The following IL1RAPL1 variants were observed in gnomAD, a reference collection of about 807,000 sequenced individuals.
IL1RAPL1 encodes interleukin 1 receptor accessory protein like 1.
Under a neutral mutation model 48.4 loss-of-function variants are expected in IL1RAPL1, and 3 were observed. The ratio of observed to expected loss-of-function variants is 0.06; its 90% CI spans 0.03 to 0.16. The LOEUF (loss-of-function observed/expected upper bound fraction) is 0.16, where lower values mean the gene tolerates loss of function less well. Among genes scored for constraint, IL1RAPL1 ranks in the 10% least tolerant of loss-of-function variants. The probability of loss-of-function intolerance (pLI) is 1.00; values close to 1 mark genes in which losing one functional copy is unlikely to be tolerated. For synonymous variants in IL1RAPL1, 185 were observed against 187.7 expected, an observed-to-expected ratio of 0.99 and a Z score of 0.12; for missense variants, 349 against 530.6, an observed-to-expected ratio of 0.66 and a Z score of 3.36.
intron 6 of IL1RAPL1, among the ~76,000 whole-genome samples, chrX:29,803,375 A>ATACATGTATACACATATGTATATG (rs1569174269): frequency 0.01 from 881 of 84,194 alleles, 61 homozygotes; most frequent in Non-Finnish European, 0.017. Flanking sequence ...ATATGTATAT[A>ATACATGTATACACATATGTATATG]TGTATACATG....
rs145192407 is a variant in IL1RAPL1 at position 28,620,978 on chromosome X, G to A, written c.-25+32931G>A. On this transcript the variant is annotated intron_variant, in intron 1 of 10. Transcript: ENST00000378993. The stretch of plus-strand genomic sequence containing the variant: ...GGCCTTTTCCCTAGCTGTCCTCTCT[G>A]CATCTTCCCTGCTCTTCACATTGGC... 8.4e-3 allele frequency among the ~76,000 whole-genome samples: 939 copies of A among 111,338 alleles called. 6 individuals are homozygous for A. The highest frequency in any genetic ancestry group is 0.029 in the African/African-American group (890 of 30,630).
At chrX:29,002,942 C>T (rs972451239) in intron 2 of IL1RAPL1, among the ~76,000 whole-genome samples, 3 of 110,071 alleles carry the variant, frequency 2.7e-5, no homozygotes, top group Admixed American at 9.7e-5. Flanking sequence ...CACACACACA[C>T]GATCTCATAG....
intron 6 of IL1RAPL1, among the ~76,000 whole-genome samples, chrX:29,714,011 T>G (rs957738302): frequency 8.1e-5 from 9 of 111,735 alleles, no homozygotes; most frequent in African/African-American, 2.9e-4. Flanking sequence ...TTGGGTAATG[T>G]TCCAGAAAAG....
intron 6 of IL1RAPL1, among the ~76,000 whole-genome samples, chrX:29,702,374 G>T (rs1194382517): frequency 9.0e-6 from 1 of 111,361 alleles, no homozygotes; most frequent in African/African-American, 3.3e-5. Context: ...CAGGAGTTGG[G>T]TGCAAGCTGG....
intron 6 of IL1RAPL1, among the ~76,000 whole-genome samples, chrX:29,707,994 C>CT (rs982900804): frequency 9.1e-6 from 1 of 109,576 alleles, no homozygotes; most frequent in Non-Finnish European, 1.9e-5. Context: ...AAAAAAATTG[C>CT]TTTTTTTCCC....
intron 6 of IL1RAPL1, among the ~76,000 whole-genome samples, chrX:29,780,003 C>T (rs953796293): frequency 2.7e-5 from 3 of 110,665 alleles, no homozygotes; most frequent in Non-Finnish European, 5.7e-5. Context: ...AAAAAAGCAA[C>T]AAAAAAGTAC....
chrX:29,168,929 GTA>G (rs1196243602), intron 2 of IL1RAPL1, among the ~76,000 whole-genome samples: 18 of 81,686 alleles, frequency 2.2e-4, no homozygotes, highest in African/African-American at 5.2e-4. Context: ...ATGTACAATT[GTA>G]TATATATATT....
intron 6 of IL1RAPL1, among the ~76,000 whole-genome samples, chrX:29,737,318 G>C (rs1006831940): frequency 4.5e-5 from 5 of 111,474 alleles, no homozygotes; most frequent in Non-Finnish European, 7.5e-5. Flanking sequence ...CTAGAGGATA[G>C]AGCTTTTGGA....
At chrX:28,738,675 G>A (rs941059401) in intron 1 of IL1RAPL1, among the ~76,000 whole-genome samples, 2 of 111,514 alleles carry the variant, frequency 1.8e-5, no homozygotes, top group African/African-American at 3.3e-5. Flanking sequence ...AGGCTTGTGC[G>A]GCTGCAGTAG....
chrX:29,348,365 A>T (rs751820146), intron 3 of IL1RAPL1, among the ~76,000 whole-genome samples: 81 of 112,292 alleles, frequency 7.2e-4, no homozygotes, highest in African/African-American at 2.0e-3. Flanking sequence ...TGGCAGAAAT[A>T]GAGGATGTTG....
intron 5 of IL1RAPL1, among the ~76,000 whole-genome samples, chrX:29,565,793 T>G (rs1246631912): frequency 8.9e-6 from 1 of 111,732 alleles, no homozygotes; most frequent in Admixed American, 9.5e-5. Flanking sequence ...TTTATGGTTG[T>G]TTGTGGTAGG....
intron 5 of IL1RAPL1, among the ~76,000 whole-genome samples, chrX:29,418,125 A>ATATATATATTTT (rs1474269220): frequency 3.7e-5 from 1 of 26,714 alleles, no homozygotes; most frequent in African/African-American, 1.7e-4. Context: ...ATATATATAT[A>ATATATATATTTT]TTTTTTTTTT....
At chrX:29,253,445 A>G (rs1287595655) in intron 2 of IL1RAPL1, among the ~76,000 whole-genome samples, 1 of 111,597 alleles carries the variant, frequency 9.0e-6, no homozygotes. Flanking sequence ...AAAGCTAAGT[A>G]GTCTATGGAA....
At chrX:29,952,595 T>G (rs1933341143) in intron 9 of IL1RAPL1, among the ~76,000 whole-genome samples, 1 of 112,510 alleles carries the variant, frequency 8.9e-6, no homozygotes, top group Non-Finnish European at 1.9e-5. Context: ...TTTCATGATT[T>G]CTTACTCAAC....
intron 2 of IL1RAPL1, among the ~76,000 whole-genome samples, chrX:29,036,014 G>A (rs1479119225): frequency 5.4e-5 from 6 of 111,702 alleles, no homozygotes; most frequent in Non-Finnish European, 1.1e-4. Flanking sequence ...CCAGATTCAG[G>A]TACTCTTATT....
chrX:29,782,100 G>GTCTATCTATCTATCTA (rs57978861), intron 6 of IL1RAPL1, among the ~76,000 whole-genome samples: 77 of 84,006 alleles, frequency 9.2e-4, no homozygotes, highest in East Asian at 4.4e-3. Flanking sequence ...CTGTCTGTCT[G>GTCTATCTATCTATCTA]TCTATCTATC....
intron 2 of IL1RAPL1, among the ~76,000 whole-genome samples, chrX:29,053,121 A>G (rs1157522972): frequency 3.6e-5 from 4 of 111,301 alleles, no homozygotes; most frequent in Non-Finnish European, 7.5e-5. Flanking sequence ...AAGTGAGAAC[A>G]TGTGGTATTT....
In IL1RAPL1 at chrX:28,955,507, G is replaced by A. The variant is rs376054147; in HGVS notation, c.82+166082G>A. On this transcript the variant is annotated intron_variant, in intron 2 of 10. Transcript: ENST00000378993. ...TCAGCTTTCTACATAGGGCTAGCCA[G>A]TTTTCCCAGCACCATTTATTAAATA... 7.3e-5 allele frequency among the ~76,000 whole-genome samples: 8 copies of A among 110,158 alleles called. No homozygotes were observed. The East Asian group carries it at 2.3e-3, about 32-fold the overall frequency.
intron 5 of IL1RAPL1, among the ~76,000 whole-genome samples, chrX:29,601,737 A>G (rs4460557): frequency 0.38 from 42,455 of 111,113 alleles, 6,072 homozygotes; most frequent in South Asian, 0.57. Context: ...TCTATAAGTG[A>G]AATGACTTTT....
Sources: gnomAD v4.1 joint callset for allele counts (sites outside exome capture counted in the v4.1 genomes callset) on GRCh38, gnomAD v4.1.1 for gene constraint, MANE v1.5 for transcripts, NCBI Gene and HGNC (gene_info 2026-07-23, HGNC 2026-07-21) for gene names.